The following SIRT2 variants were observed in gnomAD, a reference collection of about 807,000 sequenced individuals.
SIRT2 encodes sirtuin 2.
In SIRT2, 40 loss-of-function variants were observed where a neutral mutation model predicts 57.4. That is an observed-to-expected ratio of 0.70 (90% CI 0.54 to 0.91). The LOEUF is 0.91. Among genes scored for constraint, SIRT2 ranks in the 40% least tolerant of loss-of-function variants. SIRT2 has a pLI of 0.00. For synonymous variants in SIRT2, 161 were observed against 195.7 expected (o/e 0.82, Z 1.48); for missense variants, 439 against 510.4 (o/e 0.86, Z 1.35).
intron 2 of SIRT2, among the ~76,000 whole-genome samples, chr19:38,896,088 G>A (rs1324292727): frequency 6.6e-5 from 10 of 152,016 alleles, no homozygotes; most frequent in African/African-American, 9.7e-5. Context: ...AAGAGAGAGA[G>A]AAAGAGAGAG....
In SIRT2 at chr19:38,880,958, C is replaced by T. The variant is rs1244864828; in HGVS notation, c.748-61G>A. 17 of 1,573,166 alleles carry T rather than the reference C, an allele frequency of 1.1e-5. No homozygotes were observed. The highest frequency in any genetic ancestry group is 1.2e-5 in the Non-Finnish European group (14 of 1,146,148). On this transcript the variant is annotated intron_variant, in intron 11 of 15. Transcript: ENST00000249396. This position sits in a 1 kb window ranked among gnomAD's most constrained non-coding sequence, Gnocchi z 4.1. ...CAGGCTGCGCCACCGCTCCCTCCCC[C>T]GCCCCCAGCAGCAAACCTCCCTGCC...
In SIRT2 at chr19:38,899,440, C is replaced by T. The variant is rs975080202; in HGVS notation, c.16+66G>A. On this transcript the variant is annotated intron_variant, in intron 1 of 15. Transcript: ENST00000249396. Reference sequence around the variant, plus strand: ...CCCCACCGCGGCCACCCTTGGGCCCCGGGGCCTGCAGCATTCAGCCAGGCC... The same window carrying T: ...CCCCACCGCGGCCACCCTTGGGCCCTGGGGCCTGCAGCATTCAGCCAGGCC... The T allele has an allele frequency of 3.1e-6, 5 of 1,593,480 alleles. No homozygotes were observed. The African/African-American group carries it at 5.4e-5, about 17-fold the overall frequency.
chr19:38,895,194 C>T (rs549226403), intron 2 of SIRT2, among the ~76,000 whole-genome samples: 1 of 152,136 alleles, frequency 6.6e-6, no homozygotes, highest in South Asian at 2.1e-4. Context: ...TCCTCTCCTC[C>T]GGGGGTCCTG....
Position 38,898,363 on chromosome 19 carries a change from C to T in SIRT2, c.63+16G>A, listed in dbSNP as rs1231481768. ...GTCCGTCTCTCTCCTCCCCTCCACC[C>T]TTTCCCCCATCTCACCTGAGCCTCC... On this transcript the variant is annotated intron_variant, in intron 2 of 15. Coordinates refer to ENST00000249396, the MANE Select transcript of SIRT2 (RefSeq NM_012237.4). 6.7e-7 allele frequency: 1 copy of T among 1,492,548 alleles called. No individual in the cohort carries two copies. Among genetic ancestry groups the T allele is most frequent in the Non-Finnish European group, 9.0e-7 (1 of 1,111,242 alleles). The allele number at this position is 1,492,548 out of a possible 1,614,324, so 92.5% of individuals were successfully genotyped here. A position where few individuals can be genotyped will look rare whatever the true frequency, so the allele number is the denominator to read the frequency against.
chr19:38,889,215 G>T, intron 7 of SIRT2, 60 bp from the exon 8 acceptor site: 1 of 1,489,496 alleles, frequency 6.7e-7, no homozygotes, highest in Non-Finnish European at 9.4e-7. Flanking sequence ...GGCCACTGCC[G>T]CATGCCAGGA....
intron 6 of SIRT2, 47 bp downstream of exon 6, chr19:38,889,808 C>T (rs756483984): frequency 1.9e-6 from 3 of 1,612,260 alleles, no homozygotes; most frequent in African/African-American, 1.3e-5. Context: ...AGCCAGGTGA[C>T]CCCATCCCCA....
chr19:38,892,350 T>C (rs775956261), intron 4 of SIRT2, among the ~76,000 whole-genome samples: 1 of 150,754 alleles, frequency 6.6e-6, no homozygotes, highest in Non-Finnish European at 1.5e-5. Flanking sequence ...GAGCTGAGAT[T>C]GTGCCACTGC....
At chr19:38,882,875 C>T (rs1174105682) in intron 9 of SIRT2, among the ~76,000 whole-genome samples, 2 of 151,992 alleles carry the variant, frequency 1.3e-5, no homozygotes, top group African/African-American at 2.4e-5. Context: ...GTACACTGCC[C>T]CCAGCTGCTT....
At chr19:38,884,988 C>G (rs924009562) in intron 8 of SIRT2, among the ~76,000 whole-genome samples, 2 of 152,148 alleles carry the variant, frequency 1.3e-5, no homozygotes, top group Non-Finnish European at 2.9e-5. Flanking sequence ...TGTGAGTCAT[C>G]ATGCCTGGCC....
intron 8 of SIRT2, among the ~76,000 whole-genome samples, chr19:38,886,781 C>A (rs1973355452): frequency 6.6e-6 from 1 of 151,950 alleles, no homozygotes. Flanking sequence ...ACCACCACAC[C>A]CAGCTAATTT....
At chr19:38,889,573 A>T in intron 7 of SIRT2, 116 bp downstream of exon 7, 1 of 1,184,050 alleles carries the variant, frequency 8.4e-7, no homozygotes, top group Non-Finnish European at 1.2e-6. Flanking sequence ...GTCTGGGCCC[A>T]GCACCCATGT....
At chr19:38,884,931 G>A (rs1461097350) in intron 8 of SIRT2, among the ~76,000 whole-genome samples, 4 of 151,284 alleles carry the variant, frequency 2.6e-5, no homozygotes, top group Admixed American at 6.6e-5. Flanking sequence ...TGCCCAGGCT[G>A]GTCAGCGAGC....
rs1973859658 is a variant in SIRT2 at position 38,899,496 on chromosome 19, C to T, written c.16+10G>A. Reference sequence around the variant, plus strand: ...GCGGCCCGACCCTCCTACCCGGATCCCCGACTCACGGTCTGGCTCTGCCAT... The same window carrying T: ...GCGGCCCGACCCTCCTACCCGGATCTCCGACTCACGGTCTGGCTCTGCCAT... On this transcript the variant is annotated intron_variant, in intron 1 of 15. Coordinates refer to ENST00000249396, the MANE Select transcript of SIRT2 (RefSeq NM_012237.4). 3 of 1,613,396 alleles carry T rather than the reference C, an allele frequency of 1.9e-6. No individual in the cohort carries two copies. The highest frequency in any genetic ancestry group is 2.5e-6 in the Non-Finnish European group (3 of 1,179,902).
chr19:38,898,302 C>T (rs1416059764), intron 2 of SIRT2, 77 bp downstream of exon 2: 1 of 1,172,458 alleles, frequency 8.5e-7, no homozygotes, highest in African/African-American at 1.5e-5. Flanking sequence ...ACTGTTTCCC[C>T]TTTGCCACCT....
In SIRT2 at chr19:38,889,972, G is replaced by T; in HGVS notation, c.269-11C>A. 1 of 1,613,630 alleles carries T rather than the reference G, an allele frequency of 6.2e-7. No homozygotes were observed. The highest frequency in any genetic ancestry group is 2.2e-5 in the East Asian group (1 of 44,872). On this transcript the variant is annotated splice_polypyrimidine_tract_variant and intron_variant, in intron 5 of 15. Coordinates refer to ENST00000249396, the MANE Select transcript of SIRT2 (RefSeq NM_012237.4). ...CGGGGATGCCTGCGGCTAGGAAAGG[G>T]GGGTCAGGGAGCAGTTGGTCTATAC...
chr19:38,897,243 A>G (rs867903271), intron 2 of SIRT2, among the ~76,000 whole-genome samples: 3 of 152,120 alleles, frequency 2.0e-5, no homozygotes, highest in Admixed American at 6.5e-5. Context: ...GCTAACCACG[A>G]CTATAACAAG....
rs200832504 is a variant in SIRT2, at chr19:38,893,851, G to C, written c.80C>G (p.Ser27Cys). ...VQEAQDSDSD[S>C]EGGAAGGEAD... Reference sequence around the variant, plus strand: ...TTCTCCACCAGCGGCTCCTCCCTCAGAGTCTGAATCTGAGTCCTGGAAGGG... The same window carrying C: ...TTCTCCACCAGCGGCTCCTCCCTCACAGTCTGAATCTGAGTCCTGGAAGGG... Residue 27 changes from serine (S) to cysteine (C), a missense_variant, in exon 3 of 16, where the codon TCT (serine) becomes TGT (cysteine). Transcript: ENST00000249396. The C allele has an allele frequency of 1.9e-4, 311 of 1,614,002 alleles. No individual in the cohort carries two copies. The highest frequency in any genetic ancestry group is 4.0e-4 in the Admixed American group (24 of 59,992).
chr19:38,886,199 A>G (rs1973332275), intron 8 of SIRT2, among the ~76,000 whole-genome samples: 1 of 152,146 alleles, frequency 6.6e-6, no homozygotes, highest in Non-Finnish European at 1.5e-5. Flanking sequence ...TGGGCTCCCT[A>G]CCAGCAACCA....
intron 13 of SIRT2, 23 bp from the exon 14 acceptor site, chr19:38,879,725 G>A: frequency 1.3e-6 from 2 of 1,550,216 alleles, no homozygotes; most frequent in Non-Finnish European, 1.7e-6. Context: ...GGGTGGGTCA[G>A]GGGCAGGAGC....
Sources: allele counts gnomAD v4.1 joint callset (sites outside exome capture counted in the v4.1 genomes callset), GRCh38; gene constraint gnomAD v4.1.1; non-coding constraint Gnocchi (gnomAD v3.1); transcripts MANE v1.5; gene names NCBI Gene and HGNC (gene_info 2026-07-23, HGNC 2026-07-21).